VRK2: variants seen among roughly 807,000 people sequenced by gnomAD.
VRK2 encodes VRK serine/threonine kinase 2, also known as serine/threonine-protein kinase VRK2.
In VRK2, 60 loss-of-function variants were observed where a neutral mutation model predicts 57.6. The observed-to-expected ratio is 1.04, with a 90% confidence interval of 0.85 to 1.29. The LOEUF (loss-of-function observed/expected upper bound fraction) is 1.29, where lower values mean the gene tolerates loss of function less well. VRK2 is among the 50% of genes most tolerant of loss of function. The pLI is 0.00. For missense variants in VRK2, 705 were observed against 588.1 expected (o/e 1.20, Z -2.06); for synonymous variants, 231 against 199.2 (o/e 1.16, Z -1.35).
intron 1 of VRK2, among the ~76,000 whole-genome samples, chr2:57,979,853 T>C (rs1672368013): frequency 6.6e-6 from 1 of 152,120 alleles, no homozygotes; most frequent in African/African-American, 2.4e-5. Context: ...TCTCTGAGGG[T>C]TTTTTGTATT....
chr2:58,016,395 G>A (rs1673583986), intron 1 of VRK2, among the ~76,000 whole-genome samples: 1 of 151,118 alleles, frequency 6.6e-6, no homozygotes, highest in Non-Finnish European at 1.5e-5. Flanking sequence ...CTCCCAGGCG[G>A]GAATGCAGTG....
chr2:57,931,461 G>A (rs1249516459), intron 1 of VRK2, among the ~76,000 whole-genome samples: 3 of 152,108 alleles, frequency 2.0e-5, no homozygotes, highest in East Asian at 3.9e-4. Context: ...AATTTTTAAT[G>A]TTTACTTGAT....
At chr2:57,966,740 T>G (rs1671929811) in intron 1 of VRK2, among the ~76,000 whole-genome samples, 1 of 152,182 alleles carries the variant, frequency 6.6e-6, no homozygotes, top group Admixed American at 6.6e-5. Flanking sequence ...ATAACAGTTA[T>G]GAATCCTCTA....
intron 7 of VRK2, among the ~76,000 whole-genome samples, chr2:58,107,695 A>G (rs143456805): frequency 4.6e-5 from 7 of 152,296 alleles, no homozygotes; most frequent in East Asian, 3.9e-4. Context: ...GTATGCATCT[A>G]TTCTCTCATG....
intron 11 of VRK2, among the ~76,000 whole-genome samples, chr2:58,145,868 C>T (rs147753467): frequency 1.6e-4 from 24 of 152,060 alleles, no homozygotes; most frequent in African/African-American, 5.3e-4. Context: ...TGAGAACATG[C>T]GGTGTTTGGT....
At chr2:58,128,894 T>C (rs1258934687) in intron 8 of VRK2, among the ~76,000 whole-genome samples, 3 of 152,192 alleles carry the variant, frequency 2.0e-5, no homozygotes, top group Non-Finnish European at 4.4e-5. Context: ...AATTATGCGT[T>C]CTACTATCAG....
intron 1 of VRK2, among the ~76,000 whole-genome samples, chr2:57,929,805 C>G (rs759994736): frequency 9.2e-5 from 14 of 152,140 alleles, no homozygotes; most frequent in Admixed American, 2.0e-4. Context: ...AGGTCCTTCA[C>G]TTCAAGGCAA....
At chr2:57,917,143 T>A (rs1486986091) in intron 1 of VRK2, among the ~76,000 whole-genome samples, 1 of 152,150 alleles carries the variant, frequency 6.6e-6, no homozygotes, top group Non-Finnish European at 1.5e-5. Flanking sequence ...TGATTAATAA[T>A]CCATGTATCT....
chr2:57,928,830 T>G (rs547466462), intron 1 of VRK2, among the ~76,000 whole-genome samples: 1 of 152,352 alleles, frequency 6.6e-6, no homozygotes, highest in South Asian at 2.1e-4. Flanking sequence ...CTTGGTGGTC[T>G]TGGATAAGAT....
At chr2:58,025,379 C>T (rs10207015) in intron 1 of VRK2, among the ~76,000 whole-genome samples, 5,268 of 151,994 alleles carry the variant, frequency 0.035, 322 homozygotes, top group African/African-American at 0.12. Context: ...CTGAGAAAGT[C>T]GTTTCCTTCT....
At position 57,985,092 on chromosome 2, in the gene VRK2, G is replaced by A. The variant is rs1046633936; in HGVS notation, c.-438-40573G>A. Among the ~76,000 whole-genome samples, 61 of 152,116 alleles carry A rather than the reference G, an allele frequency of 4.0e-4. 1 individual carries two copies. Among genetic ancestry groups the A allele is most frequent in the African/African-American group, 1.3e-3 (55 of 41,546 alleles). On this transcript the variant is annotated intron_variant, in intron 1 of 15. Coordinates refer to the VRK2 transcript ENST00000417641. ...CATAAAAAATAAGTCTCTTGCTGAA[G>A]TGGATGGATGGAAGATAGATGGATA...
chr2:58,012,829 C>T (rs1366684092), intron 1 of VRK2, among the ~76,000 whole-genome samples: 1 of 152,182 alleles, frequency 6.6e-6, no homozygotes, highest in African/African-American at 2.4e-5. Context: ...TACTCCAAGA[C>T]ATTTTACGTA....
At chr2:58,136,940 T>TGTGTA (rs1491582062) in intron 10 of VRK2, among the ~76,000 whole-genome samples, 1 of 136,040 alleles carries the variant, frequency 7.4e-6, no homozygotes, top group African/African-American at 2.8e-5. Flanking sequence ...ATCATATATA[T>TGTGTA]TATATATCAT....
At chr2:58,088,934 A>T (rs1672004690) in intron 6 of VRK2, among the ~76,000 whole-genome samples, 2 of 152,206 alleles carry the variant, frequency 1.3e-5, no homozygotes, top group Admixed American at 1.3e-4. Flanking sequence ...ACTCAGGCAC[A>T]CATTTGTTTA....
At chr2:58,043,358 A>G (rs1412056816), upstream of VRK2, among the ~76,000 whole-genome samples, 1 of 152,186 alleles carries the variant, frequency 6.6e-6, no homozygotes, top group Non-Finnish European at 1.5e-5. Flanking sequence ...ATTCAATTTT[A>G]AGTGTATAAC....
At chr2:58,090,066 T>C (rs1424326870) in intron 7 of VRK2, among the ~76,000 whole-genome samples, 1 of 152,178 alleles carries the variant, frequency 6.6e-6, no homozygotes, top group Non-Finnish European at 1.5e-5. Flanking sequence ...CACTGTCATA[T>C]TAGTTCATCA....
intron 1 of VRK2, among the ~76,000 whole-genome samples, chr2:57,962,052 G>C (rs1671778189): frequency 6.6e-6 from 1 of 152,098 alleles, no homozygotes; most frequent in Non-Finnish European, 1.5e-5. Flanking sequence ...ACTCCAACCT[G>C]GGCAACAGAG....
chr2:57,940,201 C>A (rs1671048285), intron 1 of VRK2, among the ~76,000 whole-genome samples: 1 of 152,086 alleles, frequency 6.6e-6, no homozygotes, highest in Non-Finnish European at 1.5e-5. Context: ...CAGGATGACA[C>A]CCCAGGAGAG....
intron 7 of VRK2, among the ~76,000 whole-genome samples, chr2:58,102,449 C>T (rs1674113945): frequency 6.7e-6 from 1 of 148,772 alleles, no homozygotes; most frequent in African/African-American, 2.5e-5. Context: ...GCAGGAGTAG[C>T]CATGCTTGTA....
Sources: gnomAD v4.1 joint callset for allele counts (sites outside exome capture counted in the v4.1 genomes callset) on GRCh38, gnomAD v4.1.1 for gene constraint, MANE v1.5 for transcripts, NCBI Gene and HGNC (gene_info 2026-07-23, HGNC 2026-07-21) for gene names.